VWA3B: variants seen among roughly 807,000 people sequenced by gnomAD.
VWA3B encodes von Willebrand factor A domain containing 3B.
VWA3B carries 138 observed loss-of-function variants against 158.3 expected under a neutral mutation model. That is an observed-to-expected ratio of 0.87 (90% confidence interval 0.76 to 1.00). The LOEUF (loss-of-function observed/expected upper bound fraction) is 1.00, where lower values mean the gene tolerates loss of function less well. VWA3B is among the 50% of genes least tolerant of loss of function. VWA3B has a pLI of 0.00. For synonymous variants in VWA3B, 596 were observed against 587.3 expected (o/e 1.01, Z -0.21); for missense variants, 1,555 against 1,565.1 (o/e 0.99, Z 0.11).
chr2:98,225,378 A>G (rs1045652152), intron 14 of VWA3B, among the ~76,000 whole-genome samples: 12 of 152,264 alleles, frequency 7.9e-5, no homozygotes, highest in African/African-American at 2.7e-4. Context: ...CAATTGATGC[A>G]GAAAAAGCCT....
Position 98,121,594 on chromosome 2 carries a change from C to T in VWA3B, c.702+136C>T. 2.5e-6 allele frequency: 3 copies of T among 1,188,680 alleles called. No individual in the cohort carries two copies. In the South Asian group the frequency reaches 4.5e-5, roughly 18 times the overall value. 73.6% of individuals were successfully genotyped at this position (1,188,680 alleles called of 1,614,324 possible). On this transcript the variant is annotated intron_variant, in intron 5 of 27. Transcript: ENST00000477737. ...AGGATCCGACAGAGATCCCATTGGG[C>T]ACTGATGGTGATGGCATAGCTGGAA...
chr2:98,112,013 A>G (rs1339125527), intron 2 of VWA3B, among the ~76,000 whole-genome samples: 1 of 152,060 alleles, frequency 6.6e-6, no homozygotes, highest in Non-Finnish European at 1.5e-5. Context: ...CCAGAATAAT[A>G]TTTCTTAGGT....
In VWA3B at chr2:98,197,063, G is replaced by A. The variant is rs192663605; in HGVS notation, c.1737+2571G>A. On this transcript the variant is annotated intron_variant, in intron 12 of 27. Transcript: ENST00000477737. ...CTTTTATGTTCCAAGATCCAGCCAA[G>A]GATCTCACATGACATTTAGTTGCAA... Among the ~76,000 whole-genome samples, 468 of 152,254 alleles carry A rather than the reference G, an allele frequency of 3.1e-3. 1 individual carries two copies. The highest frequency in any genetic ancestry group is 0.027 in the Middle Eastern group (8 of 294).
At chr2:98,230,397 A>G (rs949408060) in intron 16 of VWA3B, among the ~76,000 whole-genome samples, 190 bp downstream of exon 16, 5 of 152,172 alleles carry the variant, frequency 3.3e-5, no homozygotes, top group African/African-American at 4.8e-5. Context: ...TGTTTCCCCA[A>G]TGGTAACATC....
chr2:98,147,708 A>G (rs542518830), intron 7 of VWA3B, among the ~76,000 whole-genome samples: 1 of 151,182 alleles, frequency 6.6e-6, no homozygotes, highest in Non-Finnish European at 1.5e-5. Flanking sequence ...TCTTTTTTTA[A>G]TTATTATTAT....
chr2:98,149,422 C>G (rs2105156325), intron 7 of VWA3B, among the ~76,000 whole-genome samples: 1 of 152,328 alleles, frequency 6.6e-6, no homozygotes, highest in African/African-American at 2.4e-5. Flanking sequence ...ACAGAATTTT[C>G]TGGTGTTTAA....
At position 98,181,663 on chromosome 2, in the gene VWA3B, G is replaced by C. The variant is rs546921804; in HGVS notation, c.1311+451G>C. 1.2e-4 allele frequency among the ~76,000 whole-genome samples: 18 copies of C among 152,298 alleles called. No individual in the cohort carries two copies. In the East Asian group the frequency reaches 3.3e-3, roughly 28 times the overall value. ...ACAGCGCAATCCCAGCAAATAAGGA[G>C]TCAGATCCTCCAAAGGGCTATAACC... On this transcript the variant is annotated intron_variant, in intron 9 of 27. Transcript: ENST00000477737.
At chr2:98,224,957 T>A (rs552556719) in intron 14 of VWA3B, among the ~76,000 whole-genome samples, 1 of 147,430 alleles carries the variant, frequency 6.8e-6, no homozygotes, top group South Asian at 2.1e-4. Flanking sequence ...TACAAGAATA[T>A]TTGTTCTTTT....
chr2:98,114,347 G>A lies in VWA3B; in HGVS notation c.197-1305G>A, dbSNP rs1018728122. On this transcript the variant is annotated intron_variant, in intron 2 of 27. Transcript: ENST00000477737. ...CTTCATCAATGTCAGCTAAGAAGGT[G>A]AAATATTGGAAACACAAATTTTAGA... 1.4e-4 allele frequency among the ~76,000 whole-genome samples: 21 copies of A among 152,318 alleles called. 1 individual carries two copies. The South Asian group carries it at 4.3e-3, about 32-fold the overall frequency.
At chr2:98,189,476 A>G (rs1324797741) in intron 10 of VWA3B, among the ~76,000 whole-genome samples, 7 of 152,212 alleles carry the variant, frequency 4.6e-5, no homozygotes, top group Non-Finnish European at 7.3e-5. Context: ...ACAGAGAAAT[A>G]CTGTGTGATT....
chr2:98,318,220 G>A (rs551452747), downstream of VWA3B, among the ~76,000 whole-genome samples: 16 of 152,178 alleles, frequency 1.1e-4, no homozygotes, highest in African/African-American at 2.6e-4. Flanking sequence ...CCCATTACTC[G>A]CTTTATACCC....
rs1163322742 is a variant in VWA3B, at chr2:98,230,042, C to T, written c.2151-8C>T. ...TTTTTGCTCGACTTTTTATCTAAATCAAAACAGGCATCAAAAGGAAATCTG... is the reference window on the plus strand; with the variant it reads ...TTTTTGCTCGACTTTTTATCTAAATTAAAACAGGCATCAAAAGGAAATCTG... On this transcript the variant is annotated splice_polypyrimidine_tract_variant and splice_region_variant and intron_variant, in intron 15 of 27. Coordinates refer to ENST00000477737, the MANE Select transcript of VWA3B (RefSeq NM_144992.5). 1 of 1,559,374 alleles carries T rather than the reference C, an allele frequency of 6.4e-7. No individual in the cohort carries two copies. The highest frequency in any genetic ancestry group is 1.4e-5 in the African/African-American group (1 of 71,862).
intron 8 of VWA3B, among the ~76,000 whole-genome samples, chr2:98,179,692 CCTTT>C (rs1485507207): frequency 2.6e-5 from 4 of 151,418 alleles, no homozygotes; most frequent in Admixed American, 2.0e-4. Context: ...TCTTTCTCTT[CCTTT>C]CTTTTTCTTT....
chr2:98,263,098 G>A (rs1025745363), intron 21 of VWA3B, among the ~76,000 whole-genome samples: 2 of 151,742 alleles, frequency 1.3e-5, no homozygotes, highest in Non-Finnish European at 3.0e-5. Flanking sequence ...GTATAGAAAT[G>A]CAACTTATTT....
At position 98,311,992 on chromosome 2, in the gene VWA3B, G is replaced by C; in HGVS notation, c.3695G>C (p.Ser1232Thr). 1 of 1,603,796 alleles carries C rather than the reference G, an allele frequency of 6.2e-7. No homozygotes were observed. The highest frequency in any genetic ancestry group is 8.5e-7 in the Non-Finnish European group (1 of 1,175,156). Reference sequence around the variant, plus strand: ...TCGGACGGCTCCTCCCACGGCATCAGCTCCCATGGGTCCTGCCAGGGGACA... The same window carrying C: ...TCGGACGGCTCCTCCCACGGCATCACCTCCCATGGGTCCTGCCAGGGGACA... ...SDSDGSSHGI[S>T]SHGSCQGTHP... The change falls in exon 27 of 28, where the codon AGC becomes ACC. Residue 1232 changes from serine to threonine, a missense_variant. Physicochemically the swap from Ser to Thr is moderately conservative, Grantham distance 58. Coordinates refer to ENST00000477737, the MANE Select transcript of VWA3B (RefSeq NM_144992.5).
intron 2 of VWA3B, among the ~76,000 whole-genome samples, chr2:98,098,740 T>C (rs1457885194): frequency 1.3e-5 from 2 of 152,178 alleles, no homozygotes; most frequent in African/African-American, 4.8e-5. Context: ...AACTTACTGC[T>C]GCCATTTTGT....
rs1674477632 is a variant in VWA3B, at chr2:98,115,666, C to G, written c.211C>G (p.Leu71Val). The change falls in exon 3 of 28, where the codon CTG (leucine) becomes GTG (valine). Residue 71 changes from leucine (L) to valine (V), a missense_variant. Coordinates refer to ENST00000477737, the MANE Select transcript of VWA3B (RefSeq NM_144992.5). Reference sequence around the variant, plus strand: ...TAAAAATGCAGATTATGTGGCGTCTCTGGGGAGACCTGTGGCTTCTCGGTA... The same window carrying G: ...TAAAAATGCAGATTATGTGGCGTCTGTGGGGAGACCTGTGGCTTCTCGGTA... ...FPHCEDYVAS[L>V]GRPVASRYAD... 1.9e-6 allele frequency: 3 copies of G among 1,613,790 alleles called. No individual in the cohort carries two copies. Among genetic ancestry groups the G allele is most frequent in the South Asian group, 1.1e-5 (1 of 91,068 alleles).
chr2:98,290,278 G>A (rs1689408423), intron 22 of VWA3B, among the ~76,000 whole-genome samples: 1 of 152,114 alleles, frequency 6.6e-6, no homozygotes, highest in African/African-American at 2.4e-5. Context: ...CAAACAACCA[G>A]ATCTTTTGAT....
chr2:98,312,304 C>T lies in VWA3B; in HGVS notation c.3840C>T (p.Ala1280=), dbSNP rs1346079991. ...PRAALPCTLQ[A]THSSKGLRSV... ...CAGCCCTGCCCTGTACTCTCCAAGCCACCCACAGCAGCAAAGGGCTGAGGA... is the reference window on the plus strand; with the variant it reads ...CAGCCCTGCCCTGTACTCTCCAAGCTACCCACAGCAGCAAAGGGCTGAGGA... The change falls in exon 28 of 28, where the codon GCC becomes GCT. Residue 1280 remains alanine (A), a synonymous_variant. Transcript: ENST00000477737. 1 of 1,614,050 alleles carries T rather than the reference C, an allele frequency of 6.2e-7. No homozygotes were observed. The highest frequency in any genetic ancestry group is 8.5e-7 in the Non-Finnish European group (1 of 1,179,964).
Sources: allele counts gnomAD v4.1 joint callset (sites outside exome capture counted in the v4.1 genomes callset), GRCh38; gene constraint gnomAD v4.1.1; transcripts MANE v1.5; gene names NCBI Gene and HGNC (gene_info 2026-07-23, HGNC 2026-07-21).